The following DIP2C variants were observed in gnomAD, a reference collection of about 807,000 sequenced individuals.
DIP2C encodes the protein disco-interacting protein 2 homolog C.
Under a neutral mutation model 192.4 loss-of-function variants are expected in DIP2C, and 33 were observed. The ratio of observed to expected loss-of-function variants is 0.17; its 90% confidence interval spans 0.13 to 0.23. The LOEUF (loss-of-function observed/expected upper bound fraction) is 0.23, where lower values mean the gene tolerates loss of function less well. Among genes scored for constraint, DIP2C ranks in the 10% least tolerant of loss-of-function variants. DIP2C has a pLI of 1.00. For synonymous variants in DIP2C, 979 were observed against 864.1 expected, an observed-to-expected ratio of 1.13 and a Z score of -2.33; for missense variants, 1,537 against 2,110.1, an observed-to-expected ratio of 0.73 and a Z score of 5.32.
chr10:681,686 C>T (rs1396780424), intron 1 of DIP2C, among the ~76,000 whole-genome samples: 1 of 152,222 alleles, frequency 6.6e-6, no homozygotes. Flanking sequence ...TCTACGGCCA[C>T]GGAAATTCCA....
At chr10:507,357 G>C (rs1388994845) in intron 1 of DIP2C, among the ~76,000 whole-genome samples, 1 of 151,718 alleles carries the variant, frequency 6.6e-6, no homozygotes, top group East Asian at 1.9e-4. Context: ...CACCCGCTGT[G>C]TCCAACCAGA....
rs113643592 is a variant in DIP2C, at chr10:293,868, C to T, written c.3987-5447G>A. On this transcript the variant is annotated intron_variant, in intron 32 of 36. Coordinates refer to ENST00000280886, the MANE Select transcript of DIP2C (RefSeq NM_014974.3). ...CAAAAGCTACAGACACTGCATGAGACGGCCCACGGTGGCCACCACAAAAGG... is the reference window on the plus strand; with the variant it reads ...CAAAAGCTACAGACACTGCATGAGATGGCCCACGGTGGCCACCACAAAAGG... 7.4e-3 allele frequency among the ~76,000 whole-genome samples: 1,134 copies of T among 152,284 alleles called. 21 individuals are homozygous for T. The highest frequency in any genetic ancestry group is 0.026 in the African/African-American group (1,091 of 41,526).
chr10:438,845 G>T (rs1288512674), intron 4 of DIP2C, among the ~76,000 whole-genome samples: 1 of 151,570 alleles, frequency 6.6e-6, no homozygotes, highest in Non-Finnish European at 1.5e-5. Context: ...TAATTGAGAT[G>T]GGGTCTTGCT....
intron 3 of DIP2C, 157 bp from the exon 4 acceptor site, chr10:441,153 T>A: frequency 2.5e-6 from 2 of 793,602 alleles, no homozygotes; most frequent in Non-Finnish European, 3.7e-6. Context: ...ACAATTCCAG[T>A]AAAGACATTA....
chr10:592,560 A>T (rs1851463897), intron 1 of DIP2C, among the ~76,000 whole-genome samples: 1 of 151,644 alleles, frequency 6.6e-6, no homozygotes, highest in Non-Finnish European at 1.5e-5. Context: ...GACTAGGTGG[A>T]ATTCCTCGAT....
intron 1 of DIP2C, among the ~76,000 whole-genome samples, chr10:577,642 C>T: frequency 6.6e-6 from 1 of 152,198 alleles, no homozygotes; most frequent in East Asian, 1.9e-4. Flanking sequence ...AAGTATAAAA[C>T]AAAGCCCTGC....
chr10:385,086 C>G (rs975682432), intron 14 of DIP2C, among the ~76,000 whole-genome samples: 1 of 151,906 alleles, frequency 6.6e-6, no homozygotes, highest in African/African-American at 2.4e-5. Flanking sequence ...GCCACGGACA[C>G]CAGGCTGCAC....
At chr10:302,762 G>A (rs1204072329) in intron 32 of DIP2C, among the ~76,000 whole-genome samples, 1 of 152,162 alleles carries the variant, frequency 6.6e-6, no homozygotes, top group Admixed American at 6.5e-5. Context: ...CATAGAAAAG[G>A]CACAGTAAAA....
chr10:415,164 T>C (rs886421956), intron 7 of DIP2C, among the ~76,000 whole-genome samples: 1 of 151,976 alleles, frequency 6.6e-6, no homozygotes, highest in Non-Finnish European at 1.5e-5. Context: ...TTGAGAGAGG[T>C]GAAGAATGGA....
chr10:548,408 G>A (rs1445087905), intron 1 of DIP2C, among the ~76,000 whole-genome samples: 1 of 150,434 alleles, frequency 6.6e-6, no homozygotes, highest in Non-Finnish European at 1.5e-5. Flanking sequence ...CCCCTCGGGA[G>A]GGCAGTCAGC....
intron 1 of DIP2C, among the ~76,000 whole-genome samples, chr10:557,033 C>A (rs367791838): frequency 1.4e-4 from 22 of 152,240 alleles, no homozygotes; most frequent in African/African-American, 5.1e-4. Flanking sequence ...TGGTCCCACA[C>A]GGCTGTGTGC....
chr10:423,393 GC>G (rs1554851787), intron 4 of DIP2C, among the ~76,000 whole-genome samples: 1 of 152,210 alleles, frequency 6.6e-6, no homozygotes, highest in Non-Finnish European at 1.5e-5. Flanking sequence ...GATGCTGAGG[GC>G]CTGTGCGGCT....
intron 28 of DIP2C, among the ~76,000 whole-genome samples, chr10:344,229 ATTATT>A (rs1300747667): frequency 6.6e-6 from 1 of 152,128 alleles, no homozygotes; most frequent in Non-Finnish European, 1.5e-5. Flanking sequence ...CTTTTGAAAA[ATTATT>A]TTATTTCATA....
At chr10:686,878 T>C (rs1172754284) in intron 1 of DIP2C, among the ~76,000 whole-genome samples, 4 of 152,362 alleles carry the variant, frequency 2.6e-5, no homozygotes, top group Non-Finnish European at 5.9e-5. Context: ...ACCCACACAA[T>C]GCGTAACCCA....
chr10:341,402 A>G, intron 28 of DIP2C, 73 bp from the exon 29 acceptor site: 3 of 1,596,712 alleles, frequency 1.9e-6, no homozygotes, highest in Non-Finnish European at 2.6e-6. Flanking sequence ...ACGGGGCTGC[A>G]GGGAACGCAA....
intron 1 of DIP2C, among the ~76,000 whole-genome samples, chr10:625,414 G>A (rs1307442660): frequency 6.6e-6 from 1 of 152,188 alleles, no homozygotes; most frequent in Non-Finnish European, 1.5e-5. Context: ...AGGCTTTCTG[G>A]GCTAGCACAG....
chr10:602,144 C>G (rs146112013), intron 1 of DIP2C, among the ~76,000 whole-genome samples: 65 of 152,238 alleles, frequency 4.3e-4, no homozygotes, highest in Non-Finnish European at 7.9e-4. Flanking sequence ...AGGCAACGTT[C>G]AGTATTGTCA....
intron 17 of DIP2C, among the ~76,000 whole-genome samples, chr10:375,418 G>A (rs960887713): frequency 6.6e-6 from 1 of 152,186 alleles, no homozygotes; most frequent in African/African-American, 2.4e-5. Flanking sequence ...AGAACTGTGA[G>A]CCAAAATAAA....
intron 3 of DIP2C, among the ~76,000 whole-genome samples, chr10:455,544 TGAGGGGAGG>T (rs1247328174): frequency 9.1e-5 from 5 of 54,754 alleles, no homozygotes; most frequent in African/African-American, 1.2e-4. Flanking sequence ...AGTCCCTGCC[TGAGGGGAGG>T]CCGTGAGGAG....
Sources: gnomAD v4.1 joint callset for allele counts (sites outside exome capture counted in the v4.1 genomes callset) on GRCh38, gnomAD v4.1.1 for gene constraint, MANE v1.5 for transcripts, NCBI Gene and HGNC (gene_info 2026-07-23, HGNC 2026-07-21) for gene names.